CACNA1B: variants seen among roughly 807,000 people sequenced by gnomAD.
The protein encoded by CACNA1B is calcium voltage-gated channel subunit alpha1 B.
Under a neutral mutation model 247.2 loss-of-function variants are expected in CACNA1B, and 70 were observed. The observed-to-expected ratio is 0.28, with a 90% CI of 0.23 to 0.35. The LOEUF (loss-of-function observed/expected upper bound fraction) is 0.35, where lower values mean the gene tolerates loss of function less well. Ranked by LOEUF, CACNA1B falls within the 10% of genes least tolerant of loss-of-function variation. The pLI, the probability that CACNA1B is intolerant of heterozygous loss-of-function variation, is 1.00. For synonymous variants in CACNA1B, 1,231 were observed against 1,294.4 expected (o/e 0.95, Z 1.05); for missense variants, 2,367 against 3,197.4 (o/e 0.74, Z 6.26).
At chr9:137,994,719 A>G (rs1454429047) in intron 15 of CACNA1B, among the ~76,000 whole-genome samples, 2 of 152,228 alleles carry the variant, frequency 1.3e-5, no homozygotes, top group Non-Finnish European at 2.9e-5. Context: ...AGACGACACA[A>G]ACAAATGGAA....
In CACNA1B at chr9:137,986,912, T is replaced by C; in HGVS notation, c.1974+58T>C. The C allele has an allele frequency of 1.6e-6, 2 of 1,289,964 alleles. No homozygotes were observed. Among genetic ancestry groups the C allele is most frequent in the South Asian group, 1.2e-5 (1 of 84,548 alleles). 79.9% of individuals were successfully genotyped at this position (1,289,964 alleles called of 1,614,324 possible). On this transcript the variant is annotated intron_variant, in intron 15 of 46. Transcript: ENST00000371372. This position sits in a 1 kb window ranked among gnomAD's most constrained non-coding sequence, Gnocchi z 6.0. Reference sequence around the variant, plus strand: ...CCCGGCTCCCGTCTCCCCTGGGTGCTGGGAAGGCGGACTCTCCTGTCATTC... The same window carrying C: ...CCCGGCTCCCGTCTCCCCTGGGTGCCGGGAAGGCGGACTCTCCTGTCATTC...
intron 12 of CACNA1B, among the ~76,000 whole-genome samples, chr9:137,980,502 TTC>T (rs1298766945): frequency 6.6e-6 from 1 of 152,232 alleles, no homozygotes; most frequent in East Asian, 1.9e-4. Context: ...CATGCCACCT[TTC>T]TCTCTTTTTA....
rs1554753233 is a variant in CACNA1B at position 138,053,832 on chromosome 9, C to T, written c.3808-14C>T. 2 of 1,609,164 alleles carry T rather than the reference C, an allele frequency of 1.2e-6. No individual in the cohort carries two copies. Among genetic ancestry groups the T allele is most frequent in the Middle Eastern group, 1.7e-4 (1 of 6,044 alleles). On this transcript the variant is annotated splice_polypyrimidine_tract_variant and intron_variant, in intron 25 of 46. Coordinates refer to ENST00000371372, the MANE Select transcript of CACNA1B (RefSeq NM_000718.4). Reference sequence around the variant, plus strand: ...TTCCACCCCCTCATCATGGCTCCACCCCTCCTCCTGCAGGCTGTGTTTGAC... The same window carrying T: ...TTCCACCCCCTCATCATGGCTCCACTCCTCCTCCTGCAGGCTGTGTTTGAC...
Position 137,914,667 on chromosome 9 carries a change from G to C in CACNA1B, c.636G>C (p.Val212=). ...LVSGIPSLQV[V]LKSIMKAMVP... is the part of the protein sequence containing the mutation. ...TTCTGGCCCCAGGTTTGCAGGTGGT[G>C]CTCAAGTCCATCATGAAGGCCATGG... Residue 212 remains valine, a synonymous_variant, in exon 5 of 47, where the codon GTG becomes GTC. Transcript: ENST00000371372. The surrounding 1 kb of genome is among the most constrained non-coding windows in gnomAD (Gnocchi z 4.3). 1 of 1,613,890 alleles carries C rather than the reference G, an allele frequency of 6.2e-7. No individual in the cohort carries two copies. The highest frequency in any genetic ancestry group is 8.5e-7 in the Non-Finnish European group (1 of 1,179,824).
chr9:137,978,961 C>T (rs1193386250), intron 12 of CACNA1B, among the ~76,000 whole-genome samples: 1 of 152,276 alleles, frequency 6.6e-6, no homozygotes, highest in South Asian at 2.1e-4. Context: ...AGACAGCAAC[C>T]CTTCTTACCC....
At position 137,986,083 on chromosome 9, in the gene CACNA1B, G is replaced by T. The variant is rs183665365; in HGVS notation, c.1770-330G>T. Among the ~76,000 whole-genome samples the T allele has an allele frequency of 7.9e-5, 12 of 152,334 alleles. 1 individual carries two copies. The East Asian group carries it at 2.3e-3, about 29-fold the overall frequency. On this transcript the variant is annotated intron_variant, in intron 13 of 46. Transcript: ENST00000371372. This position sits in a 1 kb window ranked among gnomAD's most constrained non-coding sequence, Gnocchi z 6.0. The stretch of plus-strand genomic sequence containing the variant: ...GGCTGACTGGGTGTTGAGGAGTGAG[G>T]GGCAGGGAGGGGCCGAGGATGAAGT...
intron 42 of CACNA1B, among the ~76,000 whole-genome samples, chr9:138,116,278 A>G (rs534617098): frequency 6.6e-5 from 10 of 152,292 alleles, no homozygotes; most frequent in Admixed American, 6.5e-4. Context: ...AAGCTGTTAT[A>G]TTTTGTAAAG....
At chr9:137,984,636 C>T (rs1228161545) in intron 13 of CACNA1B, among the ~76,000 whole-genome samples, 5 of 152,210 alleles carry the variant, frequency 3.3e-5, no homozygotes, top group Admixed American at 3.3e-4. Context: ...AGTCTGCCTA[C>T]CTCCCCTGCA....
intron 10 of CACNA1B, among the ~76,000 whole-genome samples, chr9:137,970,820 A>G (rs1473600379): frequency 1.3e-5 from 2 of 152,208 alleles, no homozygotes; most frequent in African/African-American, 4.8e-5. Flanking sequence ...TGGAGCAGGT[A>G]GACAAAGTTT....
intron 36 of CACNA1B, among the ~76,000 whole-genome samples, chr9:138,085,334 GA>G (rs1327369677): frequency 6.6e-6 from 1 of 151,036 alleles, no homozygotes; most frequent in Non-Finnish European, 1.5e-5. Context: ...AAATTAGTAA[GA>G]GGGAAAGAAA....
At chr9:138,027,164 C>T (rs888733305) in intron 20 of CACNA1B, among the ~76,000 whole-genome samples, 5 of 152,030 alleles carry the variant, frequency 3.3e-5, no homozygotes, top group African/African-American at 1.2e-4. Flanking sequence ...ATTTTGGATA[C>T]AAGTCTTTCA....
At position 137,929,231 on chromosome 9, in the gene CACNA1B, C is replaced by T. The variant is rs1589013674; in HGVS notation, c.966+11800C>T. On this transcript the variant is annotated intron_variant, in intron 6 of 46. Coordinates refer to ENST00000371372, the MANE Select transcript of CACNA1B (RefSeq NM_000718.4). ...CACAAGGGCTCCAGTTTCTCTGCATCCTTACCAGCATTTGTTGTCTGTCTG... is the reference window on the plus strand; with the variant it reads ...CACAAGGGCTCCAGTTTCTCTGCATTCTTACCAGCATTTGTTGTCTGTCTG... Among the ~76,000 whole-genome samples, 3 of 152,310 alleles carry T rather than the reference C, an allele frequency of 2.0e-5. 1 individual carries two copies. In the South Asian group the frequency reaches 6.2e-4, roughly 32 times the overall value.
intron 10 of CACNA1B, among the ~76,000 whole-genome samples, chr9:137,969,457 A>G (rs1477757586): frequency 1.3e-5 from 2 of 152,118 alleles, no homozygotes; most frequent in Admixed American, 6.5e-5. Context: ...CAGCATTTCT[A>G]TGAGGCCTTT....
chr9:138,011,380 T>C lies in CACNA1B; in HGVS notation c.2160+1303T>C, dbSNP rs1958722428. On this transcript the variant is annotated intron_variant, in intron 17 of 46. Coordinates refer to ENST00000371372, the MANE Select transcript of CACNA1B (RefSeq NM_000718.4). This position sits in a 1 kb window ranked among gnomAD's most constrained non-coding sequence, Gnocchi z 4.2. ...CCTCATTGGTGGCCCCCCTTTTGTG[T>C]AACTGGCCTCATTTAGGAATTTCTT... Among the ~76,000 whole-genome samples the C allele has an allele frequency of 6.6e-6, 1 of 152,152 alleles. No homozygotes were observed. The highest frequency in any genetic ancestry group is 1.5e-5 in the Non-Finnish European group (1 of 68,022).
At chr9:138,108,798 G>A (rs1352423076) in intron 39 of CACNA1B, among the ~76,000 whole-genome samples, 2 of 152,084 alleles carry the variant, frequency 1.3e-5, no homozygotes, top group African/African-American at 2.4e-5. Context: ...ACAGGTGCAC[G>A]CCACCACGCC....
intron 6 of CACNA1B, among the ~76,000 whole-genome samples, chr9:137,949,444 T>C (rs1020616147): frequency 6.7e-6 from 1 of 149,200 alleles, no homozygotes; most frequent in Admixed American, 6.7e-5. Context: ...CTGGTTTGTG[T>C]GGGGTGTGTG....
Position 138,100,686 on chromosome 9 carries a change from G to T in CACNA1B, c.5223-2025G>T, listed in dbSNP as rs575312670. ...GGACACAGAGTGTTCAGGGAGACAG[G>T]GTCAGTCAGGAGGCAAATGGGTATG... On this transcript the variant is annotated intron_variant, in intron 37 of 46. Coordinates refer to ENST00000371372, the MANE Select transcript of CACNA1B (RefSeq NM_000718.4). The surrounding 1 kb of genome is among the most constrained non-coding windows in gnomAD (Gnocchi z 4.6). 3.6e-4 allele frequency among the ~76,000 whole-genome samples: 55 copies of T among 152,254 alleles called. No homozygotes were observed. Among genetic ancestry groups the T allele is most frequent in the African/African-American group, 1.3e-3 (52 of 41,546 alleles).
At chr9:138,009,175 C>T (rs1333899497) in intron 16 of CACNA1B, among the ~76,000 whole-genome samples, 1 of 152,212 alleles carries the variant, frequency 6.6e-6, no homozygotes, top group Non-Finnish European at 1.5e-5. Flanking sequence ...GGCCGCACAC[C>T]CCAGGCGGTG....
At position 138,067,043 on chromosome 9, in the gene CACNA1B, A is replaced by C. The variant is rs146293460; in HGVS notation, c.4669-2715A>C. Among the ~76,000 whole-genome samples the C allele has an allele frequency of 1.4e-3, 216 of 152,308 alleles. 2 individuals carry two copies. The highest frequency in any genetic ancestry group is 5.1e-3 in the African/African-American group (212 of 41,572). ...TGTAAGGCAGGGGAGAGGGGTCATG[A>C]TGGTAGGTACAGGAGAGAGTAACGT... On this transcript the variant is annotated intron_variant, in intron 31 of 46. Coordinates refer to ENST00000371372, the MANE Select transcript of CACNA1B (RefSeq NM_000718.4).
Sources: allele counts gnomAD v4.1 joint callset (sites outside exome capture counted in the v4.1 genomes callset), GRCh38; gene constraint gnomAD v4.1.1; non-coding constraint Gnocchi (gnomAD v3.1); transcripts MANE v1.5; gene names NCBI Gene and HGNC (gene_info 2026-07-23, HGNC 2026-07-21).